The following ADCY10 variants were observed in gnomAD, a reference collection of about 807,000 sequenced individuals.
The protein encoded by ADCY10 is adenylate cyclase 10.
ADCY10 carries 156 observed loss-of-function variants against 183.3 expected under a neutral mutation model. The observed-to-expected ratio is 0.85, with a 90% confidence interval of 0.75 to 0.97. The LOEUF is 0.97. Among genes scored for constraint, ADCY10 ranks in the 50% least tolerant of loss-of-function variants. ADCY10 has a pLI of 0.00. For synonymous variants in ADCY10, 645 were observed against 670.0 expected, an observed-to-expected ratio of 0.96 and a Z score of 0.58; for missense variants, 1,745 against 1,934.3, an observed-to-expected ratio of 0.90 and a Z score of 1.84.
chr1:167,845,914 C>T, intron 20 of ADCY10, 61 bp from the exon 21 acceptor site: 1 of 1,614,078 alleles, frequency 6.2e-7, no homozygotes, highest in South Asian at 1.1e-5. Context: ...CCCCTTCTAC[C>T]TAACATAGGT....
chr1:167,852,113 T>A (rs1665542157), intron 18 of ADCY10, among the ~76,000 whole-genome samples: 1 of 151,742 alleles, frequency 6.6e-6, no homozygotes, highest in Admixed American at 6.6e-5. Context: ...CACTGAAGGG[T>A]TTTAAATAGA....
In ADCY10 at chr1:167,824,740, C is replaced by A. The variant is rs1205695359; in HGVS notation, c.3866G>T (p.Gly1289Val). Residue 1289 changes from glycine (G) to valine (V), a missense_variant, in exon 27 of 33, where the codon GGC becomes GTC. Transcript: ENST00000367851. The part of the protein sequence containing the change: ...MEHIFNLPLK[G>V]EGIEIVAYVA... ...GTATGCCACGATTTCAATGCCCTCG[C>A]CTTTCAGGGGGAGGTTGAAGATGTG... is the stretch of plus-strand genomic sequence containing the variant. The A allele has an allele frequency of 6.2e-7, 1 of 1,614,180 alleles. No homozygotes were observed.
intron 25 of ADCY10, among the ~76,000 whole-genome samples, chr1:167,831,437 G>A (rs1243925866): frequency 2.0e-5 from 3 of 152,020 alleles, no homozygotes; most frequent in Admixed American, 6.6e-5. Flanking sequence ...CAGGCAATCC[G>A]CCCCCCTCAG....
intron 21 of ADCY10, among the ~76,000 whole-genome samples, chr1:167,844,632 A>G (rs1304719359): frequency 6.6e-6 from 1 of 152,210 alleles, no homozygotes; most frequent in Non-Finnish European, 1.5e-5. Context: ...AATCTATACA[A>G]TGAAAACAAC....
At chr1:167,903,066 C>T (rs1403761620) in intron 3 of ADCY10, among the ~76,000 whole-genome samples, 1 of 151,802 alleles carries the variant, frequency 6.6e-6, no homozygotes, top group Admixed American at 6.6e-5. Flanking sequence ...ACCAGCCTGG[C>T]CAACATGGTA....
intron 26 of ADCY10, among the ~76,000 whole-genome samples, chr1:167,827,092 CCTTGGTGCTA>C (rs1017224062): frequency 5.7e-4 from 87 of 152,240 alleles, no homozygotes; most frequent in African/African-American, 2.1e-3. Context: ...AACAGTAGCT[CCTTGGTGCTA>C]CTTGACCCCT....
intron 7 of ADCY10, among the ~76,000 whole-genome samples, chr1:167,895,276 A>T (rs1032782342): frequency 2.0e-5 from 3 of 151,976 alleles, no homozygotes; most frequent in Non-Finnish European, 4.4e-5. Flanking sequence ...AAGACCCAGG[A>T]GATGGCATTA....
intron 5 of ADCY10, among the ~76,000 whole-genome samples, chr1:167,900,102 C>G (rs907483216): frequency 1.1e-4 from 16 of 152,206 alleles, no homozygotes; most frequent in African/African-American, 3.9e-4. Flanking sequence ...AACCATTTCT[C>G]TCATTGCTTT....
intron 13 of ADCY10, among the ~76,000 whole-genome samples, chr1:167,874,000 C>A (rs1203067134): frequency 6.6e-6 from 1 of 152,010 alleles, no homozygotes. Flanking sequence ...AAATATAACC[C>A]AGTTGAAAAA....
chr1:167,863,442 G>C (rs1403079111), intron 14 of ADCY10, among the ~76,000 whole-genome samples: 1 of 152,088 alleles, frequency 6.6e-6, no homozygotes, highest in Non-Finnish European at 1.5e-5. Context: ...GCCCTTAAAA[G>C]GGACAGAAGT....
chr1:167,901,586 T>C, intron 5 of ADCY10, 76 bp downstream of exon 5: 4 of 1,434,880 alleles, frequency 2.8e-6, no homozygotes, highest in Non-Finnish European at 3.9e-6. Flanking sequence ...CTACTTCTCT[T>C]TGGGAGAGAG....
intron 1 of ADCY10, among the ~76,000 whole-genome samples, chr1:167,906,887 G>A (rs759635044): frequency 2.0e-5 from 3 of 152,096 alleles, no homozygotes; most frequent in Non-Finnish European, 4.4e-5. Context: ...AAACCTAGAG[G>A]GATTTTTAAA....
At chr1:167,885,511 T>A (rs1353599498) in intron 8 of ADCY10, among the ~76,000 whole-genome samples, 1 of 152,272 alleles carries the variant, frequency 6.6e-6, no homozygotes, top group Admixed American at 6.5e-5. Context: ...AATCTTATTG[T>A]AGTTTTGATT....
chr1:167,817,932 TCTTA>T (rs1662627463), intron 31 of ADCY10, 136 bp downstream of exon 31: 1 of 830,026 alleles, frequency 1.2e-6, no homozygotes, highest in Admixed American at 2.7e-5. Flanking sequence ...ATATTTTCTT[TCTTA>T]CTTTGGGGAA....
intron 13 of ADCY10, among the ~76,000 whole-genome samples, chr1:167,874,601 C>T (rs560043469): frequency 1.3e-4 from 20 of 152,270 alleles, no homozygotes; most frequent in East Asian, 1.9e-4. Flanking sequence ...TTCAGTCCTA[C>T]GTTTTACTCC....
chr1:167,875,565 C>T (rs542271733), intron 12 of ADCY10, among the ~76,000 whole-genome samples: 26 of 152,350 alleles, frequency 1.7e-4, no homozygotes, highest in Non-Finnish European at 3.7e-4. Context: ...AATAATAGCG[C>T]GCCTTTTATT....
intron 18 of ADCY10, among the ~76,000 whole-genome samples, chr1:167,851,931 G>A (rs1456244231): frequency 6.6e-6 from 1 of 151,978 alleles, no homozygotes; most frequent in African/African-American, 2.4e-5. Flanking sequence ...TCCAGTATAG[G>A]ATCCAGTCCA....
At chr1:167,854,683 C>T (rs1665757954) in intron 17 of ADCY10, among the ~76,000 whole-genome samples, 194 bp from the exon 18 acceptor site, 1 of 152,082 alleles carries the variant, frequency 6.6e-6, no homozygotes, top group Non-Finnish European at 1.5e-5. Flanking sequence ...TGTGCACACA[C>T]TTGATTTATA....
intron 23 of ADCY10, chr1:167,834,344 A>G (rs1664029608): frequency 7.4e-6 from 4 of 540,706 alleles, no homozygotes; most frequent in Admixed American, 3.1e-5. Context: ...CTTTCTTCAC[A>G]CTATCATCTA....
Sources: allele counts gnomAD v4.1 joint callset (sites outside exome capture counted in the v4.1 genomes callset), GRCh38; gene constraint gnomAD v4.1.1; transcripts MANE v1.5; gene names NCBI Gene and HGNC (gene_info 2026-07-23, HGNC 2026-07-21).